DOCK5: variants seen among roughly 807,000 people sequenced by gnomAD.
The protein encoded by DOCK5 is dedicator of cytokinesis protein 5.
DOCK5 carries 142 observed loss-of-function variants against 251.8 expected under a neutral mutation model. The observed-to-expected ratio is 0.56, with a 90% CI of 0.49 to 0.65. DOCK5 has a LOEUF of 0.65. DOCK5 is among the 30% of genes least tolerant of loss of function. The pLI, the probability that DOCK5 is intolerant of heterozygous loss-of-function variation, is 0.00. For missense variants in DOCK5, 2,111 were observed against 2,312.3 expected (o/e 0.91, Z 1.79); for synonymous variants, 842 against 835.5 (o/e 1.01, Z -0.13).
intron 40 of DOCK5, among the ~76,000 whole-genome samples, chr8:25,384,523 A>G (rs1801130429): frequency 6.8e-6 from 1 of 147,706 alleles, no homozygotes; most frequent in African/African-American, 2.5e-5. Flanking sequence ...GCAGTGGTGG[A>G]ATCTCGGCTC....
chr8:25,410,936 A>AGAGAG lies in DOCK5; in HGVS notation c.5509-258_5509-257insGAGAG, dbSNP rs59476898. Among the ~76,000 whole-genome samples, 96 of 110,314 alleles carry AGAGAG rather than the reference A, an allele frequency of 8.7e-4. 1 individual carries two copies. Among genetic ancestry groups the AGAGAG allele is most frequent in the Middle Eastern group, 0.011 (2 of 184 alleles). 72.4% of individuals were successfully genotyped at this position (110,314 alleles called of 152,430 possible). ...GGATATGGCAGCGAGAGAGAGAGAG[A>AGAGAG]AAATGTGTGTGTGTGTGTGTGTGTG... On this transcript the variant is annotated intron_variant, in intron 51 of 51. Transcript: ENST00000276440.
intron 2 of DOCK5, among the ~76,000 whole-genome samples, chr8:25,260,031 T>C (rs11998355): frequency 0.22 from 32,745 of 152,182 alleles, 4,473 homozygotes; most frequent in African/African-American, 0.38. Context: ...GAGTGTGCTG[T>C]GCACAGGGAG....
chr8:25,354,524 A>G (rs1427330026), intron 27 of DOCK5, among the ~76,000 whole-genome samples: 1 of 152,084 alleles, frequency 6.6e-6, no homozygotes, highest in Non-Finnish European at 1.5e-5. Flanking sequence ...AGGCAGCAGT[A>G]CTCCCGCCGT....
intron 34 of DOCK5, among the ~76,000 whole-genome samples, chr8:25,371,934 T>C (rs1472201630): frequency 1.3e-5 from 2 of 152,262 alleles, no homozygotes; most frequent in Non-Finnish European, 2.9e-5. Context: ...AGAACTTGGC[T>C]CTGTGTGGGT....
intron 48 of DOCK5, among the ~76,000 whole-genome samples, chr8:25,404,192 A>G (rs1344112926): frequency 3.3e-5 from 5 of 152,154 alleles, no homozygotes; most frequent in South Asian, 4.1e-4. Context: ...TAGGTTCACA[A>G]GCATTGCGTA....
intron 3 of DOCK5, 62 bp downstream of exon 3, chr8:25,268,947 CTA>C: frequency 7.3e-7 from 1 of 1,368,752 alleles, no homozygotes; most frequent in South Asian, 1.3e-5. Context: ...TTGTATTGTG[CTA>C]TGTGACCCTC....
chr8:25,300,575 G>T lies in DOCK5; in HGVS notation c.765-1G>T. 1 of 1,611,410 alleles carries T rather than the reference G, an allele frequency of 6.2e-7. No individual in the cohort carries two copies. Among genetic ancestry groups the T allele is most frequent in the Non-Finnish European group, 8.5e-7 (1 of 1,178,720 alleles). On this transcript the variant is annotated splice_acceptor_variant, in intron 8 of 51. Coordinates refer to ENST00000276440, the MANE Select transcript of DOCK5 (RefSeq NM_024940.8). LOFTEE classifies it high-confidence loss of function. ...AGAGCAATTTTTTTTTCCTTTGCCA[G>T]TGAGAACTATCTAATTCGTTGGGGC...
At chr8:25,242,711 C>T (rs771830229) in intron 1 of DOCK5, among the ~76,000 whole-genome samples, 6 of 152,266 alleles carry the variant, frequency 3.9e-5, no homozygotes, top group Admixed American at 6.5e-5. Flanking sequence ...TTTCACAACC[C>T]GGCCCAGCCA....
chr8:25,386,339 G>T (rs1801164002), intron 40 of DOCK5, among the ~76,000 whole-genome samples: 1 of 152,182 alleles, frequency 6.6e-6, no homozygotes, highest in Non-Finnish European at 1.5e-5. Flanking sequence ...TCCCAGCACT[G>T]GTAGGCCAAG....
At chr8:25,385,758 C>T (rs991118603) in intron 40 of DOCK5, among the ~76,000 whole-genome samples, 1 of 152,074 alleles carries the variant, frequency 6.6e-6, no homozygotes. Context: ...AACACTGCCT[C>T]CTACAGTGTA....
intron 3 of DOCK5, among the ~76,000 whole-genome samples, chr8:25,271,952 CACAT>C (rs1803923636): frequency 6.6e-6 from 1 of 152,210 alleles, no homozygotes; most frequent in African/African-American, 2.4e-5. Context: ...GACAAATACA[CACAT>C]ACTATGTAAC....
At chr8:25,329,858 A>G (rs186023372) in intron 18 of DOCK5, among the ~76,000 whole-genome samples, 1 of 152,324 alleles carries the variant, frequency 6.6e-6, no homozygotes, top group East Asian at 1.9e-4. Flanking sequence ...CTAGAGCTAC[A>G]TGGATAAACC....
At chr8:25,329,848 C>G (rs1329994356) in intron 18 of DOCK5, among the ~76,000 whole-genome samples, 1 of 152,180 alleles carries the variant, frequency 6.6e-6, no homozygotes, top group Non-Finnish European at 1.5e-5. Context: ...AAAAAATTAA[C>G]TAGAGCTACA....
intron 3 of DOCK5, among the ~76,000 whole-genome samples, chr8:25,272,071 C>T (rs1803926611): frequency 6.6e-6 from 1 of 152,202 alleles, no homozygotes; most frequent in Non-Finnish European, 1.5e-5. Flanking sequence ...GTCTGTTGCC[C>T]AGGCTGGAGT....
chr8:25,197,288 A>C (rs73558416), intron 1 of DOCK5, among the ~76,000 whole-genome samples: 21,859 of 152,124 alleles, frequency 0.14, 2,558 homozygotes, highest in African/African-American at 0.33. Flanking sequence ...GTGTTTTTCC[A>C]AGTAATGTTT....
intron 3 of DOCK5, 55 bp from the exon 4 acceptor site, chr8:25,275,331 G>C: frequency 2.1e-6 from 3 of 1,453,112 alleles, no homozygotes; most frequent in South Asian, 1.2e-5. Context: ...AGGTGTTTTT[G>C]TTTGGTTTTT....
chr8:25,309,254 G>A (rs1294450480), intron 12 of DOCK5, among the ~76,000 whole-genome samples: 1 of 151,970 alleles, frequency 6.6e-6, no homozygotes, highest in Non-Finnish European at 1.5e-5. Flanking sequence ...GCATGGTCTT[G>A]GCTCACTGTA....
chr8:25,210,011 TATATA>T (rs1563309033), intron 1 of DOCK5, among the ~76,000 whole-genome samples: 2,565 of 27,504 alleles, frequency 0.093, 842 homozygotes, highest in African/African-American at 0.18. Context: ...CGGCTAATTA[TATATA>T]TATATATATA....
chr8:25,189,539 T>C (rs1586213232), intron 1 of DOCK5, among the ~76,000 whole-genome samples: 2 of 152,180 alleles, frequency 1.3e-5, no homozygotes, highest in East Asian at 3.9e-4. Flanking sequence ...TTTTGTATTT[T>C]TTGTAGGGAT....
Sources: allele counts gnomAD v4.1 joint callset (sites outside exome capture counted in the v4.1 genomes callset), GRCh38; gene constraint gnomAD v4.1.1; transcripts MANE v1.5; gene names NCBI Gene and HGNC (gene_info 2026-07-23, HGNC 2026-07-21).